Variants in BAG3 observed in about 807,000 individuals in gnomAD.
BAG3 encodes BAG cochaperone 3, also known as BAG family molecular chaperone regulator 3.
BAG3 carries 14 observed loss-of-function variants against 40.5 expected under a neutral mutation model. The ratio of observed to expected loss-of-function variants is 0.35; its 90% CI spans 0.23 to 0.54. The LOEUF is 0.54. BAG3 is among the 20% of genes least tolerant of loss of function. The pLI, the probability that BAG3 is intolerant of heterozygous loss-of-function variation, is 0.91. For synonymous variants in BAG3, 302 were observed against 307.8 expected (o/e 0.98, Z 0.20); for missense variants, 788 against 758.6 (o/e 1.04, Z -0.46).
intron 1 of BAG3, among the ~76,000 whole-genome samples, chr10:119,664,873 G>A (rs2134059714): frequency 6.6e-6 from 1 of 152,194 alleles, no homozygotes; most frequent in South Asian, 2.1e-4. Flanking sequence ...AAACACCATA[G>A]AAGAGAGAAA....
In BAG3 at chr10:119,664,958, G is replaced by C. The variant is rs1235010947; in HGVS notation, c.181-4893G>C. Among the ~76,000 whole-genome samples the C allele has an allele frequency of 2.0e-5, 3 of 151,504 alleles. No homozygotes were observed. In the East Asian group the frequency reaches 5.8e-4, roughly 29 times the overall value. On this transcript the variant is annotated intron_variant, in intron 1 of 3. Coordinates refer to ENST00000369085, the MANE Select transcript of BAG3 (RefSeq NM_004281.4). ...TTTTTGGCAGAGTTTCACTCTTGTA[G>C]CCCAGGCTAGAGTGCAATGGTGTGA...
rs192901359 is a variant in BAG3 at position 119,661,789 on chromosome 10, G to A, written c.181-8062G>A. 1.1e-4 allele frequency among the ~76,000 whole-genome samples: 16 copies of A among 152,230 alleles called. No homozygotes were observed. The East Asian group carries it at 2.9e-3, about 28-fold the overall frequency. On this transcript the variant is annotated intron_variant, in intron 1 of 3. Coordinates refer to ENST00000369085, the MANE Select transcript of BAG3 (RefSeq NM_004281.4). Reference sequence around the variant, plus strand: ...TCAGGTGTCCTGTAAGTGGAATGTGGACTTAGTTTATTATTCAGAATTTTC... The same window carrying A: ...TCAGGTGTCCTGTAAGTGGAATGTGAACTTAGTTTATTATTCAGAATTTTC...
intron 3 of BAG3, among the ~76,000 whole-genome samples, chr10:119,674,378 A>G (rs749375823): frequency 3.9e-5 from 6 of 152,230 alleles, no homozygotes; most frequent in Non-Finnish European, 7.3e-5. Context: ...CCATTTGTAG[A>G]GAGAGGGATA....
intron 1 of BAG3, among the ~76,000 whole-genome samples, chr10:119,655,192 C>G (rs1404733761): frequency 6.6e-6 from 1 of 152,148 alleles, no homozygotes. Flanking sequence ...GGGAAACTCC[C>G]CAGGTACGCG....
At chr10:119,669,768 C>T in intron 1 of BAG3, 83 bp from the exon 2 acceptor site, 1 of 1,391,270 alleles carries the variant, frequency 7.2e-7, no homozygotes, top group Non-Finnish European at 1.0e-6. Flanking sequence ...GATCACAATG[C>T]CAAGCGCCAC....
intron 1 of BAG3, among the ~76,000 whole-genome samples, chr10:119,665,588 T>G (rs373865663): frequency 1.3e-5 from 2 of 152,068 alleles, no homozygotes; most frequent in Non-Finnish European, 2.9e-5. Context: ...CCAGGTGGTG[T>G]TTTTTACTTA....
At position 119,677,598 on chromosome 10, in the gene BAG3, G is replaced by A. The variant is rs1369276975; in HGVS notation, c.*316G>A. ...GTTGTGCACTGTCTTTTGTAGCTCT[G>A]GACTGGAGGGGTAGATGGGGAGTCA... On this transcript the variant is annotated 3_prime_UTR_variant, in exon 4 of 4. Transcript: ENST00000369085. 2 of 424,970 alleles carry A rather than the reference G, an allele frequency of 4.7e-6. No individual in the cohort carries two copies. 26.3% of individuals were successfully genotyped at this position (424,970 alleles called of 1,614,324 possible).
chr10:119,664,871 T>G (rs1404765685), intron 1 of BAG3, among the ~76,000 whole-genome samples: 1 of 152,180 alleles, frequency 6.6e-6, no homozygotes, highest in Non-Finnish European at 1.5e-5. Context: ...GAAAACACCA[T>G]AGAAGAGAGA....
In BAG3 at chr10:119,651,877, C is replaced by A. The variant is rs1368954505; in HGVS notation, c.180+22C>A. On this transcript the variant is annotated intron_variant, in intron 1 of 3. Coordinates refer to ENST00000369085, the MANE Select transcript of BAG3 (RefSeq NM_004281.4). The stretch of plus-strand genomic sequence containing the variant: ...CAAGGTGAGCCGGGCCCGCGGCCCG[C>A]CCTGGTCGGTGGCGCCACCTCGACG... 15 of 1,516,890 alleles carry A rather than the reference C, an allele frequency of 9.9e-6. No homozygotes were observed. The South Asian group carries it at 1.8e-4, about 19-fold the overall frequency. The allele number at this position is 1,516,890 out of a possible 1,614,324, so 94.0% of individuals were successfully genotyped here.
intron 1 of BAG3, among the ~76,000 whole-genome samples, chr10:119,666,959 C>T (rs1322562011): frequency 6.6e-6 from 1 of 152,182 alleles, no homozygotes; most frequent in Non-Finnish European, 1.5e-5. Flanking sequence ...CATCGATTCA[C>T]TTTGTACTTC....
At chr10:119,655,619 G>A (rs1441637190) in intron 1 of BAG3, among the ~76,000 whole-genome samples, 1 of 152,148 alleles carries the variant, frequency 6.6e-6, no homozygotes, top group African/African-American at 2.4e-5. Flanking sequence ...GAAATGAGTG[G>A]CCGTTCTCTC....
chr10:119,653,955 C>T (rs1299230828), intron 1 of BAG3, among the ~76,000 whole-genome samples: 1 of 152,178 alleles, frequency 6.6e-6, no homozygotes, highest in Non-Finnish European at 1.5e-5. Context: ...GCTGAGGTTG[C>T]TTGGATTTTG....
At chr10:119,668,206 C>T (rs1032526424) in intron 1 of BAG3, among the ~76,000 whole-genome samples, 16 of 152,352 alleles carry the variant, frequency 1.1e-4, no homozygotes, top group African/African-American at 3.6e-4. Context: ...GGCAGGGTCT[C>T]AGCAGGAGGG....
Position 119,672,205 on chromosome 10 carries a change from C to T in BAG3, c.508-50C>T, listed in dbSNP as rs539400088. 2.2e-4 allele frequency: 357 copies of T among 1,607,298 alleles called. 10 individuals are homozygous for T. The South Asian group carries it at 3.6e-3, about 16-fold the overall frequency. ...CAGAAGGCGTGGTCAGGATGCCAAGCCAGGGGAGTCATTTGTGGGGTCATG... is the reference window on the plus strand; with the variant it reads ...CAGAAGGCGTGGTCAGGATGCCAAGTCAGGGGAGTCATTTGTGGGGTCATG... On this transcript the variant is annotated intron_variant, in intron 2 of 3. Coordinates refer to ENST00000369085, the MANE Select transcript of BAG3 (RefSeq NM_004281.4). This position sits in a 1 kb window ranked among gnomAD's most constrained non-coding sequence, Gnocchi z 4.8.
intron 3 of BAG3, among the ~76,000 whole-genome samples, chr10:119,675,880 CCT>C (rs1416468873): frequency 4.5e-4 from 7 of 15,386 alleles, no homozygotes; most frequent in Non-Finnish European, 7.3e-4. Context: ...CCCCTTCTCC[CCT>C]TCCTTCCTTC....
chr10:119,655,824 T>C (rs1846902118), intron 1 of BAG3, among the ~76,000 whole-genome samples: 1 of 152,100 alleles, frequency 6.6e-6, no homozygotes, highest in African/African-American at 2.4e-5. Flanking sequence ...GAGAACATCA[T>C]TTGTCCCGTT....
chr10:119,651,968 G>A, intron 1 of BAG3, 113 bp downstream of exon 1: 1 of 957,114 alleles, frequency 1.0e-6, no homozygotes, highest in Non-Finnish European at 1.3e-6. Context: ...GTCGGCGAAG[G>A]CCCCTCGCGG....
At chr10:119,664,529 G>A (rs1251412095) in intron 1 of BAG3, among the ~76,000 whole-genome samples, 4 of 152,158 alleles carry the variant, frequency 2.6e-5, no homozygotes, top group Admixed American at 6.5e-5. Flanking sequence ...AGCTGCAGGC[G>A]GGCCCTGATG....
In BAG3 at chr10:119,672,286, C is replaced by T; in HGVS notation, c.539C>T (p.Ser180Leu). 1 of 1,613,862 alleles carries T rather than the reference C, an allele frequency of 6.2e-7. No homozygotes were observed. Among genetic ancestry groups the T allele is most frequent in the Non-Finnish European group, 8.5e-7 (1 of 1,180,012 alleles). ...RSQSPAASDC[S>L]SSSSSASLPS... ...CAGTCTCCAGCTGCCTCTGACTGCT[C>T]ATCCTCATCCTCCTCGGCCAGCCTG... Residue 180 changes from serine (S) to leucine (L), a missense_variant, in exon 3 of 4, where the codon TCA (serine) becomes TTA (leucine). Coordinates refer to ENST00000369085, the MANE Select transcript of BAG3 (RefSeq NM_004281.4). This position sits in a 1 kb window ranked among gnomAD's most constrained non-coding sequence, Gnocchi z 4.8.
Sources: allele counts gnomAD v4.1 joint callset (sites outside exome capture counted in the v4.1 genomes callset), GRCh38; gene constraint gnomAD v4.1.1; non-coding constraint Gnocchi (gnomAD v3.1); transcripts MANE v1.5; gene names NCBI Gene and HGNC (gene_info 2026-07-23, HGNC 2026-07-21).